UTP15: variants seen among roughly 807,000 people sequenced by gnomAD.
The protein encoded by UTP15 is UTP15 small subunit processome component.
UTP15 carries 5 observed loss-of-function variants against 59.1 expected under a neutral mutation model. The ratio of observed to expected loss-of-function variants is 0.08; its 90% CI spans 0.04 to 0.18. The LOEUF is 0.18. Among genes scored for constraint, UTP15 ranks in the 10% least tolerant of loss-of-function variants. The pLI is 1.00. For missense variants in UTP15, 494 were observed against 616.7 expected (o/e 0.80, Z 2.11); for synonymous variants, 211 against 212.2 (o/e 0.99, Z 0.05).
At chr5:73,572,712 T>A (rs1747967722) in intron 7 of UTP15, 88 bp downstream of exon 7, 2 of 1,355,250 alleles carry the variant, frequency 1.5e-6, no homozygotes, top group Admixed American at 2.2e-5. Flanking sequence ...ATATTTGTGA[T>A]AAGTATACAG....
Position 73,579,889 on chromosome 5 carries a change from C to T in UTP15, c.1352C>T (p.Pro451Leu). ...TCTCTCTTTTTAGATATATATCTGC[C>T]TGTAATTGGTCAGTCCCCTGTAGTT... is the stretch of plus-strand genomic sequence containing the variant. ...AAEIIIDIYL[P>L]VIGQSPVVDK... The change falls in exon 13 of 13, where the codon CCT (proline) becomes CTT (leucine). Residue 451 changes from proline to leucine, a missense_variant. By Grantham distance (98) the Pro-to-Leu change is moderately conservative. Coordinates refer to ENST00000296792, the MANE Select transcript of UTP15 (RefSeq NM_032175.4). 1.9e-6 allele frequency: 3 copies of T among 1,601,786 alleles called. No individual in the cohort carries two copies. Among genetic ancestry groups the T allele is most frequent in the Non-Finnish European group, 1.7e-6 (2 of 1,173,954 alleles).
At chr5:73,570,244 A>G (rs1367045915) in intron 5 of UTP15, among the ~76,000 whole-genome samples, 2 of 152,240 alleles carry the variant, frequency 1.3e-5, no homozygotes, top group African/African-American at 4.8e-5. Flanking sequence ...TCAGAACTGT[A>G]ATGTATAGTA....
intron 4 of UTP15, 110 bp from the exon 5 acceptor site, chr5:73,569,387 T>C: frequency 1.1e-6 from 1 of 894,186 alleles, no homozygotes; most frequent in South Asian, 2.5e-5. Flanking sequence ...GAAGACTCCC[T>C]GAAACTCAGC....
chr5:73,572,387 C>T, intron 6 of UTP15, 102 bp from the exon 7 acceptor site: 1 of 1,476,852 alleles, frequency 6.8e-7, no homozygotes, highest in Admixed American at 2.0e-5. Context: ...CCTCACTCAG[C>T]CTCCATGCTT....
chr5:73,567,833 C>T (rs527824819), intron 2 of UTP15, among the ~76,000 whole-genome samples: 6 of 152,116 alleles, frequency 3.9e-5, no homozygotes, highest in Non-Finnish European at 7.4e-5. Context: ...GTCTATTGCT[C>T]CTATGAAAGC....
chr5:73,567,454 A>G lies in UTP15; in HGVS notation c.90+20A>G, dbSNP rs765625294. ...TATAAGGTGAGTGTGGGACGTAATGAGGGAGAAGGGATTTGTGTTTATGCC... is the reference window on the plus strand; with the variant it reads ...TATAAGGTGAGTGTGGGACGTAATGGGGGAGAAGGGATTTGTGTTTATGCC... On this transcript the variant is annotated intron_variant, in intron 2 of 12. Coordinates refer to ENST00000296792, the MANE Select transcript of UTP15 (RefSeq NM_032175.4). 29 of 1,550,720 alleles carry G rather than the reference A, an allele frequency of 1.9e-5. No homozygotes were observed. The highest frequency in any genetic ancestry group is 2.2e-5 in the Non-Finnish European group (25 of 1,141,426).
chr5:73,568,156 G>A (rs949675016), intron 2 of UTP15, 79 bp from the exon 3 acceptor site: 88 of 1,043,778 alleles, frequency 8.4e-5, no homozygotes, highest in Non-Finnish European at 1.2e-4. Flanking sequence ...AAAGAGAAAC[G>A]GTCTGTAAGA....
chr5:73,582,513 A>G lies in UTP15; in HGVS notation c.*2419A>G, dbSNP rs776121141. ...TATCCTCCCACCTCAGCCTCCTGAG[A>G]AGCTGGGGCTACAGGGATGAGCCAC... is the stretch of plus-strand genomic sequence containing the variant. On this transcript the variant is annotated 3_prime_UTR_variant, in exon 13 of 13. Transcript: ENST00000296792. The G allele has an allele frequency of 2.6e-5, 4 of 151,918 alleles. No homozygotes were observed. Among genetic ancestry groups the G allele is most frequent in the Non-Finnish European group, 4.4e-5 (3 of 68,018 alleles). The allele number at this position is 151,918 out of a possible 1,614,324, so 9.4% of individuals were successfully genotyped here. A position where few individuals can be genotyped will look rare whatever the true frequency, so the allele number is the denominator to read the frequency against.
chr5:73,572,558 A>C lies in UTP15; in HGVS notation c.743A>C (p.His248Pro). The C allele has an allele frequency of 6.2e-7, 1 of 1,614,178 alleles. No homozygotes were observed. The highest frequency in any genetic ancestry group is 8.5e-7 in the Non-Finnish European group (1 of 1,180,030). ...GQLLVSLKNH[H>P]KTVTCLCLSS... ...TTGCTAGTATCTTTGAAAAATCATC[A>C]CAAAACCGTGACATGTTTATGTCTA... The change falls in exon 7 of 13, where the codon CAC (histidine) becomes CCC (proline). Residue 248 changes from histidine (H) to proline (P), a missense_variant. Physicochemically the swap from His to Pro is moderately conservative, Grantham distance 77 (BLOSUM62 -2). Transcript: ENST00000296792.
chr5:73,567,713 A>G (rs1747821425), intron 2 of UTP15: 3 of 239,766 alleles, frequency 1.3e-5, no homozygotes, highest in Non-Finnish European at 2.4e-5. Context: ...CATATGTGTA[A>G]AGATGTTTAT....
In UTP15 at chr5:73,565,876, C is replaced by T; in HGVS notation, c.-120C>T. ...ACAGTCCGATTAATTGTCCTTGGGTCGAGGTGTCTCGTCGGACCCTTTGGG... is the reference window on the plus strand; with the variant it reads ...ACAGTCCGATTAATTGTCCTTGGGTTGAGGTGTCTCGTCGGACCCTTTGGG... On this transcript the variant is annotated 5_prime_UTR_variant, in exon 1 of 13. Coordinates refer to ENST00000296792, the MANE Select transcript of UTP15 (RefSeq NM_032175.4). 2.2e-6 allele frequency: 1 copy of T among 456,272 alleles called. No individual in the cohort carries two copies. The highest frequency in any genetic ancestry group is 4.4e-6 in the Non-Finnish European group (1 of 226,962). 28.3% of individuals were successfully genotyped at this position (456,272 alleles called of 1,614,324 possible).
chr5:73,568,181 T>C (rs1048433477), intron 2 of UTP15, 54 bp from the exon 3 acceptor site: 17 of 1,319,794 alleles, frequency 1.3e-5, no homozygotes, highest in Non-Finnish European at 1.8e-5. Flanking sequence ...ATGTAATGCA[T>C]AAATAGGTCT....
At position 73,568,469 on chromosome 5, in the gene UTP15, G is replaced by A. The variant is rs1194102078; in HGVS notation, c.233G>A (p.Arg78Gln). Residue 78 changes from arginine (R) to glutamine (Q), a missense_variant, in exon 4 of 13, where the codon CGA becomes CAA. Transcript: ENST00000296792. ...CAAGAACCTATAAAAACCTTTTCTC[G>A]ATTTAAAGACACAGCATACTGTGCT... ...YSQEPIKTFS[R>Q]FKDTAYCATF... is the part of the protein sequence containing the mutation. 1.5e-5 allele frequency: 24 copies of A among 1,613,450 alleles called. No homozygotes were observed. The highest frequency in any genetic ancestry group is 1.8e-5 in the Non-Finnish European group (21 of 1,179,768).
chr5:73,567,499 A>G (rs190709673), intron 2 of UTP15, 65 bp downstream of exon 2: 2 of 1,138,708 alleles, frequency 1.8e-6, no homozygotes, highest in Non-Finnish European at 2.5e-6. Context: ...AGCATATGTT[A>G]TACTCTGGAT....
chr5:73,577,603 CTATG>C (rs749308478), intron 8 of UTP15, among the ~76,000 whole-genome samples: 12 of 152,102 alleles, frequency 7.9e-5, no homozygotes, highest in Non-Finnish European at 1.8e-4. Flanking sequence ...ATGCCGTTAA[CTATG>C]TATTATACAA....
intron 7 of UTP15, among the ~76,000 whole-genome samples, chr5:73,575,867 A>C (rs1228082440): frequency 6.6e-6 from 1 of 151,268 alleles, no homozygotes; most frequent in Non-Finnish European, 1.5e-5. Flanking sequence ...GATTACAGGC[A>C]TGTGCCACCA....
At position 73,580,105 on chromosome 5, in the gene UTP15, A is replaced by G. The variant is rs1245634644; in HGVS notation, c.*11A>G. 3.1e-6 allele frequency: 5 copies of G among 1,602,086 alleles called. No individual in the cohort carries two copies. The highest frequency in any genetic ancestry group is 3.3e-4 in the Middle Eastern group (2 of 6,018). ...AAGATAGAATCATAGTGTCTGCTAA[A>G]TAAGACATATAAGAACTCTGAAGTT... On this transcript the variant is annotated 3_prime_UTR_variant, in exon 13 of 13. Transcript: ENST00000296792.
intron 12 of UTP15, 54 bp from the exon 13 acceptor site, chr5:73,579,823 C>A: frequency 7.8e-7 from 1 of 1,290,288 alleles, no homozygotes; most frequent in Non-Finnish European, 1.1e-6. Flanking sequence ...TTGCTTTTCA[C>A]TTAATGTATG....
In UTP15 at chr5:73,570,628, G is replaced by A; in HGVS notation, c.590G>A (p.Ser197Asn). The A allele has an allele frequency of 1.2e-6, 2 of 1,614,198 alleles. No homozygotes were observed. Among genetic ancestry groups the A allele is most frequent in the Non-Finnish European group, 1.7e-6 (2 of 1,180,018 alleles). ...HTVKMFDART[S>N]ESVLSVEHGQ... ...GTGAAGATGTTTGATGCACGAACGA[G>A]TGAGAGTGTTCTCTCCGTTGAGCAT... The change falls in exon 6 of 13, where the codon AGT becomes AAT. Residue 197 changes from serine (S) to asparagine (N), a missense_variant. Physicochemically the swap from Ser to Asn is conservative, Grantham distance 46. Coordinates refer to ENST00000296792, the MANE Select transcript of UTP15 (RefSeq NM_032175.4).
Sources: gnomAD v4.1 joint callset for allele counts (sites outside exome capture counted in the v4.1 genomes callset) on GRCh38, gnomAD v4.1.1 for gene constraint, MANE v1.5 for transcripts, NCBI Gene and HGNC (gene_info 2026-07-23, HGNC 2026-07-21) for gene names.